The following EXOG variants were observed in gnomAD, a reference collection of about 807,000 sequenced individuals.
The protein encoded by EXOG is nuclease EXOG, mitochondrial.
A neutral mutation model predicts 25.8 loss-of-function variants in EXOG; 27 were observed. The observed-to-expected ratio is 1.05, with a 90% CI of 0.77 to 1.45. The LOEUF (loss-of-function observed/expected upper bound fraction) is 1.45. Among genes scored for constraint, EXOG ranks in the 40% most tolerant of loss-of-function variants. The pLI is 0.00. For synonymous variants in EXOG, 133 were observed against 167.0 expected (o/e 0.80, Z 1.57); for missense variants, 458 against 450.5 (o/e 1.02, Z -0.15).
rs1325044521 is a variant in EXOG at position 38,525,536 on chromosome 3, T to TTAGA, written c.*1175_*1178dup. ...AGACGGCAATACTTTGTGGGGTTTA[T>TTAGA]TAGAGCCCATGCTTGCCTCCAGAGA... is the stretch of plus-strand genomic sequence containing the variant. On this transcript the variant is annotated 3_prime_UTR_variant, in exon 6 of 6. Transcript: ENST00000287675. 31 of 985,278 alleles carry TTAGA rather than the reference T, an allele frequency of 3.1e-5. No individual in the cohort carries two copies. Among genetic ancestry groups the TTAGA allele is most frequent in the Non-Finnish European group, 3.7e-5 (31 of 829,794 alleles). 61.0% of individuals were successfully genotyped at this position (985,278 alleles called of 1,614,324 possible). A position where few individuals can be genotyped will look rare whatever the true frequency, so the allele number is the denominator to read the frequency against.
At chr3:38,496,702 G>C (rs2059900131) in intron 1 of EXOG, 172 bp downstream of exon 1, 3 of 1,438,340 alleles carry the variant, frequency 2.1e-6, no homozygotes, top group Non-Finnish European at 1.8e-6. Flanking sequence ...TCCCCACCTC[G>C]CGTCTCGCCA....
At chr3:38,522,746 T>G (rs1436844423) in intron 5 of EXOG, among the ~76,000 whole-genome samples, 2 of 152,190 alleles carry the variant, frequency 1.3e-5, no homozygotes, top group Non-Finnish European at 2.9e-5. Context: ...TCAGGAGATC[T>G]GCCTGCCTTG....
Position 38,524,663 on chromosome 3 carries a change from A to T in EXOG, c.*301A>T, listed in dbSNP as rs541177582. ...AAAGAAACAGTGGAATCCTAAATTT[A>T]TGACTAAAAATTCCCCCAAAAGATG... is the stretch of plus-strand genomic sequence containing the variant. On this transcript the variant is annotated 3_prime_UTR_variant, in exon 6 of 6. Coordinates refer to ENST00000287675, the MANE Select transcript of EXOG (RefSeq NM_005107.4). 1.9e-6 allele frequency: 2 copies of T among 1,050,954 alleles called. No homozygotes were observed. The highest frequency in any genetic ancestry group is 4.4e-5 in the South Asian group (1 of 22,852). 65.1% of individuals were successfully genotyped at this position (1,050,954 alleles called of 1,614,324 possible).
Position 38,501,424 on chromosome 3 carries a change from A to G in EXOG, c.383A>G (p.Asn128Ser), listed in dbSNP as rs200753937. 4.2e-5 allele frequency: 67 copies of G among 1,612,538 alleles called. No homozygotes were observed. Among genetic ancestry groups the G allele is most frequent in the African/African-American group, 1.2e-4 (9 of 74,882 alleles). The change falls in exon 3 of 6, where the codon AAT becomes AGT. Residue 128 changes from asparagine to serine, a missense_variant. Asn to Ser is a conservative substitution (Grantham distance 46, BLOSUM62 1). This residue lies in a region of EXOG where 275 missense variants were observed against 230.5 expected (regional missense o/e 1.19). Transcript: ENST00000287675. ...ATCCCTCCAACCTTCAGTGCCTTCA[A>G]TGAAGATTATGTTGGAAGTGGGTGG... is the stretch of plus-strand genomic sequence containing the variant. ...PNIPPTFSAF[N>S]EDYVGSGWSR...
intron 2 of EXOG, among the ~76,000 whole-genome samples, chr3:38,498,586 A>T (rs2125746501): frequency 6.6e-6 from 1 of 152,200 alleles, no homozygotes; most frequent in African/African-American, 2.4e-5. Context: ...GAGAGATTAT[A>T]ACACAAGAAC....
intron 5 of EXOG, chr3:38,523,159 G>A: frequency 1.6e-6 from 2 of 1,275,322 alleles, no homozygotes; most frequent in Non-Finnish European, 2.1e-6. Context: ...CTAAGGCCAT[G>A]TTTTTATTTC....
chr3:38,525,867 C>A lies in EXOG; in HGVS notation c.*1505C>A. 1.8e-6 allele frequency: 1 copy of A among 554,566 alleles called. No homozygotes were observed. Among genetic ancestry groups the A allele is most frequent in the Non-Finnish European group, 2.3e-6 (1 of 436,488 alleles). The allele number at this position is 554,566 out of a possible 1,614,324, so 34.4% of individuals were successfully genotyped here. ...GCTGAAATGGGAGGATTGCTTGAGCCTGGCAGGTCAAGGCTGCGATGGGAC... is the reference window on the plus strand; with the variant it reads ...GCTGAAATGGGAGGATTGCTTGAGCATGGCAGGTCAAGGCTGCGATGGGAC... On this transcript the variant is annotated 3_prime_UTR_variant, in exon 6 of 6. Transcript: ENST00000287675.
rs758346624 is a variant in EXOG at position 38,524,089 on chromosome 3, G to A, written c.834G>A (p.Leu278=). ...AGGACCTAGAGAAGTTGTCAGGACTGGTGTTTTTTCCTCATTTGGATAGAA... is the reference window on the plus strand; with the variant it reads ...AGGACCTAGAGAAGTTGTCAGGACTAGTGTTTTTTCCTCATTTGGATAGAA... The part of the protein sequence containing the change: ...SLQDLEKLSG[L]VFFPHLDRTS... Residue 278 remains leucine, a synonymous_variant, in exon 6 of 6, where the codon CTG becomes CTA. Transcript: ENST00000287675. The A allele has an allele frequency of 1.4e-5, 22 of 1,614,086 alleles. No homozygotes were observed. The highest frequency in any genetic ancestry group is 1.7e-5 in the Non-Finnish European group (20 of 1,179,982).
Position 38,525,411 on chromosome 3 carries a change from G to C in EXOG, c.*1049G>C. 1.0e-6 allele frequency: 1 copy of C among 985,316 alleles called. No individual in the cohort carries two copies. Among genetic ancestry groups the C allele is most frequent in the Non-Finnish European group, 1.2e-6 (1 of 829,894 alleles). The allele number at this position is 985,316 out of a possible 1,614,324, so 61.0% of individuals were successfully genotyped here. A position where few individuals can be genotyped will look rare whatever the true frequency, so the allele number is the denominator to read the frequency against. On this transcript the variant is annotated 3_prime_UTR_variant, in exon 6 of 6. Transcript: ENST00000287675. ...GAGGCATGCTTGGCAAGAAGAGTCT[G>C]GTTTCTCGTCTGCTATGCAAGCCAA...
chr3:38,504,718 G>A (rs1288325372), intron 4 of EXOG, among the ~76,000 whole-genome samples: 1 of 152,158 alleles, frequency 6.6e-6, no homozygotes, highest in East Asian at 1.9e-4. Flanking sequence ...ACAGACATGA[G>A]CCACCACGCA....
chr3:38,505,864 G>A (rs2060187729), intron 4 of EXOG, among the ~76,000 whole-genome samples: 1 of 152,074 alleles, frequency 6.6e-6, no homozygotes, highest in Admixed American at 6.5e-5. Flanking sequence ...TACTCGGGAG[G>A]CTGAGGCAGG....
At chr3:38,515,081 T>C (rs2060496996) in intron 5 of EXOG, among the ~76,000 whole-genome samples, 1 of 152,116 alleles carries the variant, frequency 6.6e-6, no homozygotes, top group Non-Finnish European at 1.5e-5. Context: ...TACCCTTTTT[T>C]ATAGATAACT....
intron 5 of EXOG, among the ~76,000 whole-genome samples, chr3:38,520,107 T>A (rs2125799159): frequency 6.6e-6 from 1 of 152,326 alleles, no homozygotes; most frequent in African/African-American, 2.4e-5. Context: ...TGCTTAATAT[T>A]TTATTGGAGG....
chr3:38,501,801 A>T (rs1184475446), intron 3 of EXOG, among the ~76,000 whole-genome samples: 1 of 152,222 alleles, frequency 6.6e-6, no homozygotes, highest in Non-Finnish European at 1.5e-5. Context: ...GTCGGAGCAC[A>T]GTGGCTTGAT....
chr3:38,523,876 ACT>A, intron 5 of EXOG, 23 bp from the exon 6 acceptor site: 1 of 1,503,816 alleles, frequency 6.6e-7, no homozygotes, highest in Non-Finnish European at 8.9e-7. Context: ...AATTGGCATC[ACT>A]AATATGGCTG....
intron 2 of EXOG, chr3:38,501,061 G>C (rs1236474772): frequency 4.1e-6 from 1 of 243,804 alleles, no homozygotes; most frequent in Non-Finnish European, 7.8e-6. Flanking sequence ...GTTTTGATTG[G>C]TGATTGTTTT....
chr3:38,506,035 T>C (rs1350197600), intron 4 of EXOG, among the ~76,000 whole-genome samples: 2 of 148,910 alleles, frequency 1.3e-5, no homozygotes, highest in African/African-American at 2.5e-5. Flanking sequence ...CTACTTGCCA[T>C]TTGGGCACCT....
Position 38,501,506 on chromosome 3 carries a change from T to A in EXOG, c.453+12T>A. 1 of 1,613,064 alleles carries A rather than the reference T, an allele frequency of 6.2e-7. No individual in the cohort carries two copies. Among genetic ancestry groups the A allele is most frequent in the South Asian group, 1.1e-5 (1 of 91,014 alleles). On this transcript the variant is annotated intron_variant, in intron 3 of 5. Transcript: ENST00000287675. ...ACAAATTTTCAAGTGTAGGCATACT[T>A]TGGGGGAGGGATGGGAATATGGGGC...
At chr3:38,520,391 T>G (rs1461793388) in intron 5 of EXOG, among the ~76,000 whole-genome samples, 1 of 152,248 alleles carries the variant, frequency 6.6e-6, no homozygotes, top group African/African-American at 2.4e-5. Context: ...TCTTGGGAAT[T>G]TAATAGCAGC....
Sources: gnomAD v4.1 joint callset for allele counts (sites outside exome capture counted in the v4.1 genomes callset) on GRCh38, gnomAD v4.1.1 for gene constraint, gnomAD v4.1.1 regional missense constraint, MANE v1.5 for transcripts, NCBI Gene and HGNC (gene_info 2026-07-23, HGNC 2026-07-21) for gene names.